The following AATF variants were observed in gnomAD, a reference collection of about 807,000 sequenced individuals.
AATF encodes apoptosis antagonizing transcription factor.
AATF carries 48 observed loss-of-function variants against 63.7 expected under a neutral mutation model. That is an observed-to-expected ratio of 0.75 (90% CI 0.60 to 0.96). AATF has a LOEUF of 0.96. AATF is among the 40% of genes least tolerant of loss of function. AATF has a pLI of 0.00. For synonymous variants in AATF, 258 were observed against 247.7 expected (o/e 1.04, Z -0.39); for missense variants, 639 against 685.7 (o/e 0.93, Z 0.76).
At chr17:36,986,806 C>T in intron 5 of AATF, 75 bp downstream of exon 5, 3 of 1,256,504 alleles carry the variant, frequency 2.4e-6, no homozygotes, top group Non-Finnish European at 2.3e-6. Flanking sequence ...GAAAGAAAAG[C>T]TAAGTTCTCT....
chr17:37,015,087 A>C (rs766341115), intron 8 of AATF, among the ~76,000 whole-genome samples: 44 of 152,052 alleles, frequency 2.9e-4, no homozygotes, highest in Admixed American at 1.6e-3. Flanking sequence ...TGGTTTGTGC[A>C]TGAGGATTTC....
Position 37,042,737 on chromosome 17 carries a change from C to CT in AATF, c.1619+11068dup, listed in dbSNP as rs556843023. Among the ~76,000 whole-genome samples the CT allele has an allele frequency of 3.4e-3, 471 of 137,358 alleles. 3 individuals are homozygous for CT. Among genetic ancestry groups the CT allele is most frequent in the African/African-American group, 5.4e-3 (206 of 38,182 alleles). 90.1% of individuals were successfully genotyped at this position (137,358 alleles called of 152,430 possible). ...CACCTGGCCTTTTAATTTTTTCTTTCTTTTTTTTTTTTTTTTCTTTTTGAG... is the reference window on the plus strand; with the variant it reads ...CACCTGGCCTTTTAATTTTTTCTTTCTTTTTTTTTTTTTTTTTCTTTTTGAG... On this transcript the variant is annotated intron_variant, in intron 11 of 11. Coordinates refer to ENST00000619387, the MANE Select transcript of AATF (RefSeq NM_012138.4).
intron 4 of AATF, among the ~76,000 whole-genome samples, chr17:36,962,669 A>G (rs1342216945): frequency 6.6e-6 from 1 of 152,054 alleles, no homozygotes; most frequent in Admixed American, 6.6e-5. Context: ...AATGAGTTAG[A>G]TAAGAAAGTA....
At chr17:36,963,501 A>G (rs2070965415) in intron 4 of AATF, among the ~76,000 whole-genome samples, 3 of 152,250 alleles carry the variant, frequency 2.0e-5, no homozygotes, top group Admixed American at 2.0e-4. Context: ...TCAAAACTTG[A>G]TTTTTTGCTT....
chr17:37,056,814 C>T lies in AATF; in HGVS notation c.*150C>T, dbSNP rs543829416. 1.4e-5 allele frequency: 11 copies of T among 772,628 alleles called. No individual in the cohort carries two copies. The highest frequency in any genetic ancestry group is 1.1e-4 in the Admixed American group (4 of 35,498). The allele number at this position is 772,628 out of a possible 1,614,324, so 47.9% of individuals were successfully genotyped here. A position where few individuals can be genotyped will look rare whatever the true frequency, so the allele number is the denominator to read the frequency against. On this transcript the variant is annotated 3_prime_UTR_variant, in exon 12 of 12. Coordinates refer to ENST00000619387, the MANE Select transcript of AATF (RefSeq NM_012138.4). ...AACCTGTGCCTAATACACGCAAGGG[C>T]GCTGTCCCGCCCAACCCCGCCTTTA...
intron 4 of AATF, among the ~76,000 whole-genome samples, chr17:36,956,930 C>T (rs968453326): frequency 2.6e-5 from 4 of 151,946 alleles, no homozygotes; most frequent in Admixed American, 2.6e-4. Flanking sequence ...GAGCTGAGAT[C>T]GTGCTAGTGC....
intron 4 of AATF, among the ~76,000 whole-genome samples, chr17:36,964,170 CTTTT>C (rs36064518): frequency 1.4e-4 from 14 of 101,384 alleles, no homozygotes; most frequent in African/African-American, 4.8e-4. Context: ...GGGTGTTTTG[CTTTT>C]TTTTTTTTTT....
At chr17:36,963,207 G>A (rs945609480) in intron 4 of AATF, among the ~76,000 whole-genome samples, 13 of 152,150 alleles carry the variant, frequency 8.5e-5, no homozygotes, top group Non-Finnish European at 1.3e-4. Flanking sequence ...GTGAGCGTAG[G>A]GTATGCATGA....
intron 8 of AATF, among the ~76,000 whole-genome samples, chr17:37,013,699 A>G (rs2071408933): frequency 6.6e-6 from 1 of 152,148 alleles, no homozygotes; most frequent in South Asian, 2.1e-4. Context: ...ATTGAGAGCA[A>G]ATTTCAGCAT....
chr17:36,977,365 G>A (rs2071087017), intron 4 of AATF, among the ~76,000 whole-genome samples: 1 of 152,014 alleles, frequency 6.6e-6, no homozygotes, highest in East Asian at 1.9e-4. Context: ...TGGAATCCCT[G>A]TTTTAGAAAG....
At chr17:36,966,648 A>G (rs988532956) in intron 4 of AATF, among the ~76,000 whole-genome samples, 1 of 152,212 alleles carries the variant, frequency 6.6e-6, no homozygotes, top group Non-Finnish European at 1.5e-5. Flanking sequence ...TATAATTAAT[A>G]AGAGTATAGG....
chr17:36,963,087 C>T (rs1597701698), intron 4 of AATF, among the ~76,000 whole-genome samples: 2 of 152,260 alleles, frequency 1.3e-5, no homozygotes, highest in East Asian at 3.9e-4. Flanking sequence ...CCATTGCACT[C>T]CAGCCTGACA....
At chr17:37,014,270 A>G (rs977842398) in intron 8 of AATF, among the ~76,000 whole-genome samples, 1 of 96,082 alleles carries the variant, frequency 1.0e-5, no homozygotes, top group African/African-American at 5.2e-5. Flanking sequence ...TGTCTTAGTA[A>G]TAATAATAAT....
chr17:36,949,102 G>C lies in AATF; in HGVS notation c.-24G>C. The C allele has an allele frequency of 4.5e-6, 7 of 1,554,976 alleles. No individual in the cohort carries two copies. The highest frequency in any genetic ancestry group is 6.1e-6 in the Non-Finnish European group (7 of 1,147,024). Reference sequence around the variant, plus strand: ...GGCCGCACATTTACGTGCGCGAAGCGGAGTGGACCGGGAGCTGGTGACGAT... The same window carrying C: ...GGCCGCACATTTACGTGCGCGAAGCCGAGTGGACCGGGAGCTGGTGACGAT... On this transcript the variant is annotated 5_prime_UTR_variant, in exon 1 of 12. Transcript: ENST00000619387.
chr17:36,991,332 A>G (rs1227771168), intron 8 of AATF, among the ~76,000 whole-genome samples: 1 of 152,184 alleles, frequency 6.6e-6, no homozygotes, highest in Non-Finnish European at 1.5e-5. Flanking sequence ...TTAAGTATGT[A>G]TTGAGAATGT....
intron 4 of AATF, among the ~76,000 whole-genome samples, chr17:36,980,663 G>C (rs981384944): frequency 3.9e-5 from 6 of 152,090 alleles, no homozygotes; most frequent in African/African-American, 1.2e-4. Context: ...TGGCTGGGAA[G>C]AATTCACTGT....
At chr17:36,999,912 T>G (rs1246728885) in intron 8 of AATF, 1 of 150,850 alleles carries the variant, frequency 6.6e-6, no homozygotes, top group African/African-American at 2.4e-5. Context: ...GGTGGGGGAG[T>G]AGGCAAGAAA....
intron 10 of AATF, among the ~76,000 whole-genome samples, chr17:37,021,902 T>C (rs1273177669): frequency 6.6e-6 from 1 of 151,828 alleles, no homozygotes; most frequent in Non-Finnish European, 1.5e-5. Flanking sequence ...GCACACAGTA[T>C]GCTAAAAAGA....
At position 37,039,365 on chromosome 17, in the gene AATF, A is replaced by G. The variant is rs73286034; in HGVS notation, c.1619+7680A>G. Among the ~76,000 whole-genome samples, 227 of 152,364 alleles carry G rather than the reference A, an allele frequency of 1.5e-3. 1 individual carries two copies. Among genetic ancestry groups the G allele is most frequent in the African/African-American group, 5.3e-3 (221 of 41,590 alleles). On this transcript the variant is annotated intron_variant, in intron 11 of 11. Transcript: ENST00000619387. Reference sequence around the variant, plus strand: ...GCAAATATGCAACATTGATCTAATCAGCAAGAACAAGAGTGATGTTTTAAC... The same window carrying G: ...GCAAATATGCAACATTGATCTAATCGGCAAGAACAAGAGTGATGTTTTAAC...
Sources: allele counts gnomAD v4.1 joint callset (sites outside exome capture counted in the v4.1 genomes callset), GRCh38; gene constraint gnomAD v4.1.1; transcripts MANE v1.5; gene names NCBI Gene and HGNC (gene_info 2026-07-23, HGNC 2026-07-21).